The following PCDH11Y variants were observed in gnomAD, a reference collection of about 807,000 sequenced individuals.
The protein encoded by PCDH11Y is protocadherin 11 Y-linked, also known as protocadherin-11 Y-linked.
For missense variants in PCDH11Y, 12 were observed against 224.8 expected (o/e 0.05, Z 6.05); for synonymous variants, 9 against 83.6 (o/e 0.11, Z 4.87).
At chrY:5,672,306 C>T in intron 4 of PCDH11Y, among the ~76,000 whole-genome samples, 1 of 31,861 alleles carries the variant, frequency 3.1e-5, no homozygotes, top group South Asian at 7.1e-4. Context: ...GAAAGTATTC[C>T]ATCTACCTCT....
At position 5,248,716 on chromosome Y, in the gene PCDH11Y, G is replaced by T. The variant is rs2124656538; in HGVS notation, c.3129+148009G>T. Among the ~76,000 whole-genome samples, 4 of 32,466 alleles carry T rather than the reference G, an allele frequency of 1.2e-4. No individual in the cohort carries two copies. In the South Asian group the frequency reaches 2.8e-3, roughly 23 times the overall value. The allele number at this position is 32,466 out of a possible 37,273, so 87.1% of individuals were successfully genotyped here. A position where few individuals can be genotyped will look rare whatever the true frequency, so the allele number is the denominator to read the frequency against. On this transcript the variant is annotated intron_variant, in intron 2 of 4. Transcript: ENST00000400457. ...ACTCCTATTCAACATGGTGTTGGAAGTTCCAGCTGGAGAAATCAGGCAAGA... is the reference window on the plus strand; with the variant it reads ...ACTCCTATTCAACATGGTGTTGGAATTTCCAGCTGGAGAAATCAGGCAAGA...
chrY:5,205,543 A>AAT lies in PCDH11Y; in HGVS notation c.3129+104850_3129+104851dup, dbSNP rs113629927. Among the ~76,000 whole-genome samples the AAT allele has an allele frequency of 6.8e-3, 158 of 23,110 alleles. No individual in the cohort carries two copies. The Middle Eastern group carries it at 0.18, about 26-fold the overall frequency. The allele number at this position is 23,110 out of a possible 37,273, so 62.0% of individuals were successfully genotyped here. Reference sequence around the variant, plus strand: ...ACTGAATATATATATATATACACTGAATATATATATATATACACTGAATAT... The same window carrying AAT: ...ACTGAATATATATATATATACACTGAATATATATATATATATACACTGAATAT... On this transcript the variant is annotated intron_variant, in intron 2 of 4. Coordinates refer to the PCDH11Y transcript ENST00000400457.
At chrY:5,314,880 T>C (rs2053105552) in intron 2 of PCDH11Y, among the ~76,000 whole-genome samples, 1 of 32,212 alleles carries the variant, frequency 3.1e-5, no homozygotes, top group Non-Finnish European at 7.5e-5. Context: ...AATGAAATTT[T>C]TAAGAGTTCT....
chrY:5,599,035 A>G, intron 4 of PCDH11Y, among the ~76,000 whole-genome samples: 6 of 32,507 alleles, frequency 1.8e-4, no homozygotes, highest in Non-Finnish European at 4.5e-4. Context: ...CTTTCCTTGT[A>G]CTATAATAGA....
At chrY:5,275,546 C>T in intron 2 of PCDH11Y, among the ~76,000 whole-genome samples, 1 of 32,925 alleles carries the variant, frequency 3.0e-5, no homozygotes, top group Non-Finnish European at 7.4e-5. Flanking sequence ...AAATGATATT[C>T]TCTTTCTTGA....
At chrY:5,456,984 A>T in intron 2 of PCDH11Y, among the ~76,000 whole-genome samples, 1 of 33,077 alleles carries the variant, frequency 3.0e-5, no homozygotes, top group African/African-American at 1.2e-4. Flanking sequence ...AAATAGAAAA[A>T]AATAAACTCA....
intron 3 of PCDH11Y, among the ~76,000 whole-genome samples, chrY:5,522,074 C>T (rs2053381852): frequency 4.1e-4 from 13 of 31,957 alleles, no homozygotes; most frequent in Middle Eastern, 0.014. Flanking sequence ...AGGGTTTCAC[C>T]GTGTTAGCCA....
intron 2 of PCDH11Y, among the ~76,000 whole-genome samples, chrY:5,295,914 G>C: frequency 3.0e-5 from 1 of 33,003 alleles, no homozygotes; most frequent in East Asian, 8.1e-4. Context: ...GGATTTATCT[G>C]ATAAAATTCT....
At chrY:5,684,243 C>G in intron 4 of PCDH11Y, among the ~76,000 whole-genome samples, 1 of 32,204 alleles carries the variant, frequency 3.1e-5, no homozygotes, top group Non-Finnish European at 7.7e-5. Context: ...CAGAGAAACA[C>G]AAATTAGAAT....
chrY:5,575,654 G>A, intron 3 of PCDH11Y, among the ~76,000 whole-genome samples: 5 of 33,124 alleles, frequency 1.5e-4, no homozygotes, highest in Non-Finnish European at 3.0e-4. Flanking sequence ...ATTTCTATGC[G>A]CACAACTCAA....
intron 4 of PCDH11Y, among the ~76,000 whole-genome samples, chrY:5,694,898 C>T (rs1602960938): frequency 2.4e-4 from 8 of 32,875 alleles, no homozygotes; most frequent in African/African-American, 5.8e-4. Flanking sequence ...TTTCAGAACA[C>T]AATGAATCCA....
chrY:5,108,024 A>C, downstream of PCDH11Y, among the ~76,000 whole-genome samples: 4 of 25,583 alleles, frequency 1.6e-4, no homozygotes, highest in Admixed American at 1.1e-3. Flanking sequence ...GCGCCACTGC[A>C]CTCCAGCCTG....
At chrY:5,045,905 A>G (rs1602848254) in intron 3 of PCDH11Y, among the ~76,000 whole-genome samples, 2 of 33,133 alleles carry the variant, frequency 6.0e-5, no homozygotes, top group East Asian at 8.0e-4. Context: ...TGATCGCATC[A>G]GCTCCTGAGG....
At chrY:5,354,602 T>C (rs2437454) in intron 2 of PCDH11Y, among the ~76,000 whole-genome samples, 1 of 32,866 alleles carries the variant, frequency 3.0e-5, no homozygotes, top group East Asian at 8.0e-4. Context: ...CACGCACACA[T>C]ACACATTTCC....
At chrY:5,049,560 C>CT (rs2052648039) in intron 3 of PCDH11Y, among the ~76,000 whole-genome samples, 24 of 23,947 alleles carry the variant, frequency 1.0e-3, no homozygotes, top group East Asian at 2.1e-3. Context: ...AGGCAGAATT[C>CT]TTTTTTTTTT....
At chrY:5,270,399 T>TG in intron 2 of PCDH11Y, among the ~76,000 whole-genome samples, 1 of 27,665 alleles carries the variant, frequency 3.6e-5, no homozygotes, top group Non-Finnish European at 8.3e-5. Flanking sequence ...TTCCAGCTAC[T>TG]GGGGGGCTGA....
At chrY:5,132,715 C>A in intron 2 of PCDH11Y, among the ~76,000 whole-genome samples, 3 of 32,064 alleles carry the variant, frequency 9.4e-5, no homozygotes, top group Admixed American at 2.9e-4. Context: ...TCAAATCTTA[C>A]AGGATGATCT....
intron 2 of PCDH11Y, among the ~76,000 whole-genome samples, chrY:5,471,108 A>G: frequency 3.0e-5 from 1 of 32,878 alleles, no homozygotes; most frequent in African/African-American, 1.2e-4. Flanking sequence ...TTATTTTATG[A>G]CACAATAGAT....
intron 2 of PCDH11Y, among the ~76,000 whole-genome samples, chrY:5,495,648 G>GT (rs2053343606): frequency 1.5e-4 from 5 of 32,782 alleles, no homozygotes; most frequent in Admixed American, 5.6e-4. Flanking sequence ...AGTGTATTAG[G>GT]TTTGAACTCA....
Sources: allele counts gnomAD v4.1 joint callset (sites outside exome capture counted in the v4.1 genomes callset), GRCh38; gene constraint gnomAD v4.1.1; transcripts MANE v1.5; gene names NCBI Gene and HGNC (gene_info 2026-07-23, HGNC 2026-07-21).